EIF2B5: variants seen among roughly 807,000 people sequenced by gnomAD.
EIF2B5 encodes eukaryotic translation initiation factor 2B subunit epsilon.
Under a neutral mutation model 87.3 loss-of-function variants are expected in EIF2B5, and 38 were observed. The ratio of observed to expected loss-of-function variants is 0.44; its 90% CI spans 0.34 to 0.57. EIF2B5 has a LOEUF of 0.57. Among genes scored for constraint, EIF2B5 ranks in the 20% least tolerant of loss-of-function variants. The pLI is 0.02. For missense variants in EIF2B5, 784 were observed against 909.5 expected (o/e 0.86, Z 1.78); for synonymous variants, 313 against 339.6 (o/e 0.92, Z 0.86).
Position 184,140,556 on chromosome 3 carries a change from A to G in EIF2B5, c.982A>G (p.Thr328Ala). 1 of 1,614,016 alleles carries G rather than the reference A, an allele frequency of 6.2e-7. No homozygotes were observed. Among genetic ancestry groups the G allele is most frequent in the Non-Finnish European group, 8.5e-7 (1 of 1,179,998 alleles). ...VYPLTPEANF[T>A]DSTTQSCTHS... ...CCCTCTCACCCCAGAGGCGAACTTC[A>G]CTGACAGCACCACCCAGAGCTGCAC... Residue 328 changes from threonine (T) to alanine (A), a missense_variant, in exon 7 of 16, where the codon ACT (threonine) becomes GCT (alanine). Physicochemically the swap from Thr to Ala is moderately conservative, Grantham distance 58. Around this residue, in one of 3 missense-constraint regions of EIF2B5, gnomAD observed 660 missense variants for 789.5 expected, o/e 0.84. Transcript: ENST00000648915.
intron 14 of EIF2B5, 103 bp from the exon 15 acceptor site, chr3:184,144,494 T>G: frequency 8.8e-7 from 1 of 1,140,906 alleles, no homozygotes; most frequent in Non-Finnish European, 1.3e-6. Context: ...TCTTGTCCGT[T>G]TTGGAGGAGG....
intron 13 of EIF2B5, 170 bp downstream of exon 13, chr3:184,143,735 G>A: frequency 4.2e-6 from 4 of 949,972 alleles, no homozygotes; most frequent in Non-Finnish European, 4.8e-6. Flanking sequence ...GTCAGATTGA[G>A]TTCAATACTG....
Position 184,142,274 on chromosome 3 carries a change from C to T in EIF2B5, c.1340C>T (p.Ser447Leu), listed in dbSNP as rs113994080. ...CCAAATATCACGCTGCCTGAGGGCT[C>T]GGTGATCTCTTTGCACCCTCCAGAT... Reference protein sequence around the residue: ...VGPNITLPEGSVISLHPPDAE... With the variant: ...VGPNITLPEGLVISLHPPDAE... Residue 447 changes from serine (S) to leucine (L), a missense_variant, in exon 9 of 16, where the codon TCG (serine) becomes TTG (leucine). Physicochemically the swap from Ser to Leu is moderately radical, Grantham distance 145 (BLOSUM62 -2). Around this residue, in one of 3 missense-constraint regions of EIF2B5, gnomAD observed 660 missense variants for 789.5 expected, o/e 0.84. Coordinates refer to ENST00000648915, the MANE Select transcript of EIF2B5 (RefSeq NM_003907.3). This position sits in a 1 kb window ranked among gnomAD's most constrained non-coding sequence, Gnocchi z 5.0. 1.9e-6 allele frequency: 3 copies of T among 1,614,002 alleles called. No individual in the cohort carries two copies. Among genetic ancestry groups the T allele is most frequent in the East Asian group, 2.2e-5 (1 of 44,882 alleles).
In EIF2B5 at chr3:184,135,412, T is replaced by C; in HGVS notation, c.27T>C (p.Pro9=). The C allele has an allele frequency of 6.3e-7, 1 of 1,581,860 alleles. No homozygotes were observed. Among genetic ancestry groups the C allele is most frequent in the African/African-American group, 1.3e-5 (1 of 74,866 alleles). Residue 9 remains proline (P), a synonymous_variant, in exon 1 of 16, where the codon CCT becomes CCC. Transcript: ENST00000648915. ...TGGCGGCCCCTGTAGTGGCGCCGCC[T>C]GGTGTGGTGGTTAGTCGGGCTAACA... MAAPVVAP[P]GVVVSRANKR...
At position 184,143,096 on chromosome 3, in the gene EIF2B5, G is replaced by A. The variant is rs748815392; in HGVS notation, c.1699G>A (p.Glu567Lys). Reference sequence around the variant, plus strand: ...AGGAACACTACAGCGGGGCAAAGAGGAGAACATTTCTTGTGACAATCTCGT... The same window carrying A: ...AGGAACACTACAGCGGGGCAAAGAGAAGAACATTTCTTGTGACAATCTCGT... The part of the protein sequence containing the change: ...VLGTLQRGKE[E>K]NISCDNLVLE... Residue 567 changes from glutamate to lysine, a missense_variant, in exon 12 of 16, where the codon GAG becomes AAG. Glu to Lys is a moderately conservative substitution (Grantham distance 56, BLOSUM62 1). Coordinates refer to ENST00000648915, the MANE Select transcript of EIF2B5 (RefSeq NM_003907.3). 8 of 1,613,984 alleles carry A rather than the reference G, an allele frequency of 5.0e-6. No individual in the cohort carries two copies. The Admixed American group carries it at 8.3e-5, about 17-fold the overall frequency.
chr3:184,139,270 ATTTTTTTT>A (rs1196978595), intron 5 of EIF2B5, among the ~76,000 whole-genome samples: 10 of 48,018 alleles, frequency 2.1e-4, no homozygotes, highest in South Asian at 2.4e-3. Context: ...TGCACCCAGC[ATTTTTTTT>A]TTTTTTTTTT....
chr3:184,140,178 C>A (rs764966371), intron 6 of EIF2B5, 21 bp downstream of exon 6: 10 of 1,601,754 alleles, frequency 6.2e-6, no homozygotes, highest in Non-Finnish European at 7.7e-6. Context: ...TCTTCCAATG[C>A]CTCTTTAGGA....
At chr3:184,143,944 C>T in intron 13 of EIF2B5, 155 bp from the exon 14 acceptor site, 1 of 1,202,882 alleles carries the variant, frequency 8.3e-7, no homozygotes, top group Non-Finnish European at 1.2e-6. Context: ...TTTTCCCAAA[C>T]CCTGTCAACA....
In EIF2B5 at chr3:184,144,152, C is replaced by G. The variant is rs200282586; in HGVS notation, c.1923C>G (p.Asp641Glu). ...VFRNYIKRAA[D>E]HLEALAAIED... ...GGAACTACATAAAGCGCGCAGCCGA[C>G]CATTTGGAAGCGTTAGCAGCCATTG... The change falls in exon 14 of 16, where the codon GAC becomes GAG. Residue 641 changes from aspartate (D) to glutamate (E), a missense_variant. Physicochemically the swap from Asp to Glu is conservative, Grantham distance 45. This residue lies in a region of EIF2B5 where 660 missense variants were observed against 789.5 expected (regional missense o/e 0.84). Coordinates refer to ENST00000648915, the MANE Select transcript of EIF2B5 (RefSeq NM_003907.3). The G allele has an allele frequency of 6.2e-7, 1 of 1,614,242 alleles. No individual in the cohort carries two copies. Among genetic ancestry groups the G allele is most frequent in the South Asian group, 1.1e-5 (1 of 91,088 alleles).
rs1356715009 is a variant in EIF2B5, at chr3:184,135,414, G to C, written c.29G>C (p.Gly10Ala). The change falls in exon 1 of 16, where the codon GGT becomes GCT. Residue 10 changes from glycine (G) to alanine (A), a missense_variant. Transcript: ENST00000648915. ...GCGGCCCCTGTAGTGGCGCCGCCTG[G>C]TGTGGTGGTTAGTCGGGCTAACAAG... MAAPVVAPP[G>A]VVVSRANKRS... 1 of 1,582,262 alleles carries C rather than the reference G, an allele frequency of 6.3e-7. No homozygotes were observed. The highest frequency in any genetic ancestry group is 1.3e-5 in the African/African-American group (1 of 74,744).
intron 1 of EIF2B5, chr3:184,135,864 T>G: frequency 1.9e-6 from 1 of 533,328 alleles, no homozygotes; most frequent in Non-Finnish European, 3.4e-6. Flanking sequence ...GGGGATTCAG[T>G]GCCCCTAGAA....
chr3:184,144,220 C>T lies in EIF2B5; in HGVS notation c.1991C>T (p.Ala664Val). The part of the protein sequence containing the change: ...LEHEALGISM[A>V]KVLMAFYQLE... ...CATGAAGCTCTTGGTATTTCCATGG[C>T]CAAGGTGAATATGACCTCAAGCCCC... Residue 664 changes from alanine to valine, a missense_variant, in exon 14 of 16, where the codon GCC becomes GTC. Ala to Val is a moderately conservative substitution (Grantham distance 64). Transcript: ENST00000648915. The T allele has an allele frequency of 6.2e-7, 1 of 1,614,008 alleles. No individual in the cohort carries two copies. Among genetic ancestry groups the T allele is most frequent in the Non-Finnish European group, 8.5e-7 (1 of 1,180,042 alleles).
At position 184,142,267 on chromosome 3, in the gene EIF2B5, G is replaced by C. The variant is rs760843020; in HGVS notation, c.1333G>C (p.Glu445Gln). 1.2e-5 allele frequency: 20 copies of C among 1,614,122 alleles called. No homozygotes were observed. The South Asian group carries it at 2.1e-4, about 17-fold the overall frequency. ...CGTGGGCCCAAATATCACGCTGCCT[G>C]AGGGCTCGGTGATCTCTTTGCACCC... ...VVVGPNITLP[E>Q]GSVISLHPPD... The change falls in exon 9 of 16, where the codon GAG (glutamate) becomes CAG (glutamine). Residue 445 changes from glutamate to glutamine, a missense_variant. Coordinates refer to ENST00000648915, the MANE Select transcript of EIF2B5 (RefSeq NM_003907.3). The surrounding 1 kb of genome is among the most constrained non-coding windows in gnomAD (Gnocchi z 5.0).
intron 5 of EIF2B5, chr3:184,138,864 G>T: frequency 3.5e-6 from 1 of 286,624 alleles, no homozygotes; most frequent in South Asian, 2.7e-5. Context: ...GTTTTGCCAT[G>T]TTGTCCGGCC....
chr3:184,142,467 G>A lies in EIF2B5; in HGVS notation c.1445-35G>A, dbSNP rs374833663. 141 of 1,614,042 alleles carry A rather than the reference G, an allele frequency of 8.7e-5. No homozygotes were observed. In the African/African-American group the frequency reaches 1.5e-3, roughly 17 times the overall value. ...TCCTCCTGGAGGGATTGGTGCTTCC[G>A]CCGGGCCCTCTCTATAGATCATTGC... On this transcript the variant is annotated intron_variant, in intron 9 of 15. Transcript: ENST00000648915. The surrounding 1 kb of genome is among the most constrained non-coding windows in gnomAD (Gnocchi z 5.0).
Position 184,142,745 on chromosome 3 carries a change from T to C in EIF2B5, c.1547-34T>C. On this transcript the variant is annotated intron_variant, in intron 10 of 15. Coordinates refer to ENST00000648915, the MANE Select transcript of EIF2B5 (RefSeq NM_003907.3). This position sits in a 1 kb window ranked among gnomAD's most constrained non-coding sequence, Gnocchi z 5.0. ...ATATTGCTCTCTGTCAATGACTCTT[T>C]TTTTCTTTTTCCTCACCCATTATGG... is the stretch of plus-strand genomic sequence containing the variant. 1 of 1,601,302 alleles carries C rather than the reference T, an allele frequency of 6.2e-7. No individual in the cohort carries two copies. Among genetic ancestry groups the C allele is most frequent in the Non-Finnish European group, 8.5e-7 (1 of 1,172,084 alleles).
rs750115488 is a variant in EIF2B5, at chr3:184,140,411, C to T, written c.844-7C>T. On this transcript the variant is annotated splice_region_variant and splice_polypyrimidine_tract_variant and intron_variant, in intron 6 of 15. Coordinates refer to ENST00000648915, the MANE Select transcript of EIF2B5 (RefSeq NM_003907.3). Reference sequence around the variant, plus strand: ...GCTTAGGTGACCTCCCTTTCCTTCTCATTCAGATCCTAGGGAACCAGATCC... The same window carrying T: ...GCTTAGGTGACCTCCCTTTCCTTCTTATTCAGATCCTAGGGAACCAGATCC... The T allele has an allele frequency of 2.1e-5, 34 of 1,613,960 alleles. No homozygotes were observed. The highest frequency in any genetic ancestry group is 2.9e-5 in the Non-Finnish European group (34 of 1,180,008).
At chr3:184,135,707 G>A (rs1478196648) in intron 1 of EIF2B5, 127 bp downstream of exon 1, 4 of 1,300,660 alleles carry the variant, frequency 3.1e-6, no homozygotes, top group African/African-American at 2.9e-5. Flanking sequence ...TCCTAAAACC[G>A]GATGCAGAGG....
At chr3:184,140,957 T>G in intron 7 of EIF2B5, 1 of 592,000 alleles carries the variant, frequency 1.7e-6, no homozygotes, top group Middle Eastern at 4.5e-4. Context: ...CAGGGTACCC[T>G]GTAGTCACAT....
Sources: gnomAD v4.1 joint callset for allele counts (sites outside exome capture counted in the v4.1 genomes callset) on GRCh38, gnomAD v4.1.1 for gene constraint, gnomAD v4.1.1 regional missense constraint, Gnocchi (gnomAD v3.1) non-coding constraint, MANE v1.5 for transcripts, NCBI Gene and HGNC (gene_info 2026-07-23, HGNC 2026-07-21) for gene names.